Variants in SH3KBP1 observed in about 807,000 individuals in gnomAD.
The protein encoded by SH3KBP1 is SH3 domain-containing kinase-binding protein 1.
A neutral mutation model predicts 50.1 loss-of-function variants in SH3KBP1; 8 were observed. That is an observed-to-expected ratio of 0.16 (90% CI 0.09 to 0.29). The LOEUF is 0.29. SH3KBP1 is among the 10% of genes least tolerant of loss of function. The pLI, the probability that SH3KBP1 is intolerant of heterozygous loss-of-function variation, is 1.00. For missense variants in SH3KBP1, 377 were observed against 535.2 expected (o/e 0.70, Z 2.92); for synonymous variants, 227 against 218.6 (o/e 1.04, Z -0.34).
At chrX:19,715,515 T>C (rs974355167) in intron 3 of SH3KBP1, among the ~76,000 whole-genome samples, 3 of 111,526 alleles carry the variant, frequency 2.7e-5, no homozygotes, top group African/African-American at 9.8e-5. Context: ...GAGATTCAAA[T>C]GTCAATATTG....
At chrX:19,816,009 G>C (rs181994058) in intron 2 of SH3KBP1, among the ~76,000 whole-genome samples, 62 of 112,055 alleles carry the variant, frequency 5.5e-4, no homozygotes, top group African/African-American at 1.9e-3. Context: ...TATTTCTCTG[G>C]GATGAGTGTC....
chrX:19,683,667 A>G (rs2063107812), intron 6 of SH3KBP1, among the ~76,000 whole-genome samples, 156 bp downstream of exon 6: 1 of 111,701 alleles, frequency 9.0e-6, no homozygotes, highest in South Asian at 3.7e-4. Flanking sequence ...GTTCCCACAC[A>G]GAGGGAGAGC....
At chrX:19,759,007 G>A (rs1486506719) in intron 2 of SH3KBP1, among the ~76,000 whole-genome samples, 1 of 112,048 alleles carries the variant, frequency 8.9e-6, no homozygotes, top group Non-Finnish European at 1.9e-5. Flanking sequence ...AAGTGCACTA[G>A]GATATTTTAA....
Position 19,535,225 on chromosome X carries a change from G to C in SH3KBP1, c.*1192C>G. ...CATCAGTTTCCTTGGGAAAGAAAAA[G>C]CAACTCCATAAATGCAAGAAAGTTC... On this transcript the variant is annotated 3_prime_UTR_variant, in exon 18 of 18. Coordinates refer to ENST00000397821, the MANE Select transcript of SH3KBP1 (RefSeq NM_031892.3). 3.7e-6 allele frequency: 1 copy of C among 273,555 alleles called. No individual in the cohort carries two copies. The highest frequency in any genetic ancestry group is 2.7e-5 in the African/African-American group (1 of 36,573). The allele number at this position is 273,555 out of a possible 1,213,427, so 22.5% of individuals were successfully genotyped here.
chrX:19,670,956 GCCT>G (rs2062778716), intron 6 of SH3KBP1: 3 of 1,126,137 alleles, frequency 2.7e-6, no homozygotes, highest in Non-Finnish European at 3.5e-6. Context: ...ACAGCACGGA[GCCT>G]GAGGACCCAG....
intron 1 of SH3KBP1, among the ~76,000 whole-genome samples, chrX:19,844,923 C>CA (rs1318502604): frequency 1.8e-5 from 2 of 110,305 alleles, no homozygotes; most frequent in Non-Finnish European, 3.8e-5. Context: ...ACTAAAAATA[C>CA]AAAAAAATTA....
chrX:19,643,021 A>G (rs1262374296), intron 7 of SH3KBP1, among the ~76,000 whole-genome samples: 1 of 110,969 alleles, frequency 9.0e-6, no homozygotes, highest in Non-Finnish European at 1.9e-5. Context: ...TTTTTGTTAT[A>G]GTTTGTCTTC....
chrX:19,618,025 T>C (rs2067670485), intron 8 of SH3KBP1, among the ~76,000 whole-genome samples: 1 of 111,926 alleles, frequency 8.9e-6, no homozygotes, highest in African/African-American at 3.2e-5. Context: ...GGGATTTTCA[T>C]AGAAGACAAC....
At chrX:19,692,741 C>G (rs1165086197) in intron 5 of SH3KBP1, among the ~76,000 whole-genome samples, 2 of 99,443 alleles carry the variant, frequency 2.0e-5, no homozygotes, top group African/African-American at 7.5e-5. Context: ...GGAATGCAGT[C>G]ATGTGATCAT....
chrX:19,779,232 A>G (rs1342108798), intron 2 of SH3KBP1, among the ~76,000 whole-genome samples: 2 of 106,162 alleles, frequency 1.9e-5, no homozygotes, highest in Non-Finnish European at 3.9e-5. Flanking sequence ...CCAGGAGGTC[A>G]AGGCTGCAGT....
intron 8 of SH3KBP1, among the ~76,000 whole-genome samples, chrX:19,621,794 C>G (rs1053737823): frequency 9.0e-6 from 1 of 111,507 alleles, no homozygotes; most frequent in Non-Finnish European, 1.9e-5. Flanking sequence ...GAAATATTTA[C>G]TCCCTGGCCC....
At chrX:19,632,099 A>T in intron 7 of SH3KBP1, 141 bp from the exon 8 acceptor site, 1 of 352,186 alleles carries the variant, frequency 2.8e-6, no homozygotes, top group Non-Finnish European at 4.8e-6. Flanking sequence ...AGAAAGGGTG[A>T]CCCTCAGAAA....
chrX:19,626,543 G>A (rs931580693), intron 8 of SH3KBP1, among the ~76,000 whole-genome samples: 6 of 111,150 alleles, frequency 5.4e-5, no homozygotes, highest in African/African-American at 1.3e-4. Context: ...GCCACTAACC[G>A]TCTTTAGCTA....
intron 6 of SH3KBP1, among the ~76,000 whole-genome samples, chrX:19,658,778 C>T (rs1365326323): frequency 9.0e-6 from 1 of 110,714 alleles, no homozygotes; most frequent in Non-Finnish European, 1.9e-5. Context: ...AGGCTGCTCT[C>T]GAACTCCTGA....
intron 6 of SH3KBP1, chrX:19,670,847 A>G (rs760171857): frequency 6.1e-6 from 7 of 1,138,272 alleles, no homozygotes; most frequent in Non-Finnish European, 8.2e-6. Context: ...AGCAAAAAAA[A>G]AAAAAAAGAA....
chrX:19,700,812 TC>T (rs1202037561), intron 4 of SH3KBP1, among the ~76,000 whole-genome samples: 2 of 111,967 alleles, frequency 1.8e-5, no homozygotes, highest in Non-Finnish European at 3.8e-5. Flanking sequence ...ACCAATATTT[TC>T]CCCTAATTCT....
In SH3KBP1 at chrX:19,547,506, TTTTA is replaced by T. The variant is rs764364422; in HGVS notation, c.1495-1460_1495-1457del. Among the ~76,000 whole-genome samples, 178 of 112,425 alleles carry T rather than the reference TTTTA, an allele frequency of 1.6e-3. 1 individual carries two copies. The highest frequency in any genetic ancestry group is 5.3e-3 in the African/African-American group (164 of 30,949). ...TAAGCAAATTTTTCAATTTAACAGG[TTTTA>T]TTTGTTAATCTTCATTTAATCTGAA... On this transcript the variant is annotated intron_variant, in intron 14 of 17. Coordinates refer to ENST00000397821, the MANE Select transcript of SH3KBP1 (RefSeq NM_031892.3).
At chrX:19,722,569 G>GTGTGT (rs1321332083) in intron 3 of SH3KBP1, among the ~76,000 whole-genome samples, 1 of 84,259 alleles carries the variant, frequency 1.2e-5, no homozygotes, top group East Asian at 3.9e-4. Flanking sequence ...CGTGCGCACT[G>GTGTGT]GTGTGTGTGT....
chrX:19,578,213 T>C (rs1043028297), intron 12 of SH3KBP1, among the ~76,000 whole-genome samples: 2 of 111,904 alleles, frequency 1.8e-5, no homozygotes, highest in African/African-American at 6.5e-5. Context: ...CGTGGATGAA[T>C]TGTACAGCAG....
Sources: gnomAD v4.1 joint callset for allele counts (sites outside exome capture counted in the v4.1 genomes callset) on GRCh38, gnomAD v4.1.1 for gene constraint, MANE v1.5 for transcripts, NCBI Gene and HGNC (gene_info 2026-07-23, HGNC 2026-07-21) for gene names.